The following REPS1 variants were observed in gnomAD, a reference collection of about 807,000 sequenced individuals.
The protein encoded by REPS1 is RALBP1 associated Eps domain containing 1.
REPS1 carries 39 observed loss-of-function variants against 100.9 expected under a neutral mutation model. The ratio of observed to expected loss-of-function variants is 0.39; its 90% confidence interval spans 0.30 to 0.50. The LOEUF is 0.50. Among genes scored for constraint, REPS1 ranks in the 20% least tolerant of loss-of-function variants. The probability of loss-of-function intolerance (pLI) is 0.86; values close to 1 mark genes in which losing one functional copy is unlikely to be tolerated. For synonymous variants in REPS1, 324 were observed against 340.3 expected (o/e 0.95, Z 0.53); for missense variants, 821 against 968.5 (o/e 0.85, Z 2.02).
chr6:138,909,318 T>A (rs1414041834), intron 17 of REPS1, among the ~76,000 whole-genome samples: 3 of 152,186 alleles, frequency 2.0e-5, no homozygotes, highest in African/African-American at 7.2e-5. Context: ...GAGTTGACAG[T>A]TTGTCGGTGA....
At chr6:138,916,687 G>GTAA (rs1370643835) in intron 13 of REPS1, among the ~76,000 whole-genome samples, 1 of 152,064 alleles carries the variant, frequency 6.6e-6, no homozygotes, top group African/African-American at 2.4e-5. Flanking sequence ...CTGGATTTTG[G>GTAA]TAAGCTGAAG....
chr6:138,983,177 A>G (rs1326122253), intron 1 of REPS1, among the ~76,000 whole-genome samples: 1 of 152,214 alleles, frequency 6.6e-6, no homozygotes, highest in Non-Finnish European at 1.5e-5. Flanking sequence ...TCAAGTTCTT[A>G]GTGAACAAGA....
intron 15 of REPS1, among the ~76,000 whole-genome samples, chr6:138,913,971 C>T (rs1780188888): frequency 6.6e-6 from 1 of 152,198 alleles, no homozygotes; most frequent in Non-Finnish European, 1.5e-5. Context: ...ATGTCTACTA[C>T]AGCACTCTAA....
At chr6:138,931,539 T>G (rs1172747485) in intron 8 of REPS1, among the ~76,000 whole-genome samples, 1 of 152,168 alleles carries the variant, frequency 6.6e-6, no homozygotes, top group Non-Finnish European at 1.5e-5. Flanking sequence ...AGTTCTAATC[T>G]GCAGTCCAGA....
chr6:138,907,384 TAGAGA>T, intron 19 of REPS1, 106 bp downstream of exon 19: 1 of 622,400 alleles, frequency 1.6e-6, no homozygotes, highest in Non-Finnish European at 2.8e-6. Context: ...TCTAGAAAAT[TAGAGA>T]AGAGAACCAT....
intron 1 of REPS1, among the ~76,000 whole-genome samples, chr6:138,971,112 A>G (rs1294547556): frequency 6.6e-6 from 1 of 152,226 alleles, no homozygotes; most frequent in East Asian, 1.9e-4. Flanking sequence ...GGGAAGTAAA[A>G]GATTTCTCTC....
chr6:138,959,807 T>G (rs1783623080), intron 1 of REPS1, among the ~76,000 whole-genome samples: 1 of 152,208 alleles, frequency 6.6e-6, no homozygotes, highest in Non-Finnish European at 1.5e-5. Flanking sequence ...AGCAAATACC[T>G]ATTATTAGGA....
chr6:138,949,075 T>A (rs1402371241), intron 1 of REPS1, among the ~76,000 whole-genome samples: 1 of 152,218 alleles, frequency 6.6e-6, no homozygotes, highest in Admixed American at 6.5e-5. Context: ...GGCAAGGTCA[T>A]GCAGCCCCAA....
At chr6:138,946,436 T>C (rs1462826429) in intron 2 of REPS1, among the ~76,000 whole-genome samples, 2 of 152,152 alleles carry the variant, frequency 1.3e-5, no homozygotes, top group African/African-American at 4.8e-5. Flanking sequence ...ACAAAATCAT[T>C]TCAGAGGAAA....
At chr6:138,961,819 C>T (rs563896936) in intron 1 of REPS1, among the ~76,000 whole-genome samples, 263 of 152,256 alleles carry the variant, frequency 1.7e-3, no homozygotes, top group Non-Finnish European at 3.2e-3. Context: ...TACTACACCT[C>T]CCTTAAAGCA....
At chr6:138,986,466 T>G (rs909790324) in intron 1 of REPS1, among the ~76,000 whole-genome samples, 4 of 152,216 alleles carry the variant, frequency 2.6e-5, no homozygotes, top group Non-Finnish European at 5.9e-5. Flanking sequence ...AACATACTTA[T>G]GCTTGAAAAT....
At chr6:138,912,993 C>T in intron 15 of REPS1, 43 bp from the exon 16 acceptor site, 1 of 1,512,548 alleles carries the variant, frequency 6.6e-7, no homozygotes, top group South Asian at 1.2e-5. Context: ...TTCTATCAGC[C>T]TATCAGTGTC....
intron 1 of REPS1, among the ~76,000 whole-genome samples, chr6:138,977,050 A>T (rs9484216): frequency 0.15 from 22,545 of 152,150 alleles, 1,769 homozygotes; most frequent in African/African-American, 0.17. Flanking sequence ...CTATTTTGTA[A>T]TTTTTAATTC....
chr6:138,939,628 C>T (rs903758530), intron 8 of REPS1, among the ~76,000 whole-genome samples: 7 of 152,086 alleles, frequency 4.6e-5, no homozygotes, highest in Non-Finnish European at 7.3e-5. Context: ...ATTGTGCTGT[C>T]GGTTTTCAAA....
intron 2 of REPS1, 34 bp from the exon 3 acceptor site, chr6:138,945,731 A>T: frequency 6.8e-7 from 1 of 1,461,980 alleles, no homozygotes; most frequent in South Asian, 1.4e-5. Context: ...ACTTCAAAAT[A>T]AAAAAGGACA....
intron 1 of REPS1, among the ~76,000 whole-genome samples, chr6:138,952,181 G>A (rs555015286): frequency 4.4e-4 from 67 of 152,110 alleles, no homozygotes; most frequent in African/African-American, 1.0e-3. Flanking sequence ...CCCATCAGAC[G>A]TAACAATTCC....
intron 15 of REPS1, among the ~76,000 whole-genome samples, chr6:138,913,547 G>C (rs929759126): frequency 6.6e-6 from 1 of 152,138 alleles, no homozygotes; most frequent in African/African-American, 2.4e-5. Context: ...CTGACAGTCC[G>C]GAGCAGGAGA....
In REPS1 at chr6:138,947,808, C is replaced by G. The variant is rs750721439; in HGVS notation, c.259G>C (p.Val87Leu). The G allele has an allele frequency of 3.1e-6, 5 of 1,606,806 alleles. No homozygotes were observed. The highest frequency in any genetic ancestry group is 2.5e-6 in the Non-Finnish European group (3 of 1,177,310). ...AVAQSGFPLRVESINTVKDLP... is the reference protein window; with the variant it reads ...AVAQSGFPLRLESINTVKDLP... ...TATTTACCTGTATTTATACTTTCCACTCTTAAAGGGAAACCAGACTGGGCA... is the reference window on the plus strand; with the variant it reads ...TATTTACCTGTATTTATACTTTCCAGTCTTAAAGGGAAACCAGACTGGGCA... The change falls in exon 2 of 20, where the codon GTG (valine) becomes CTG (leucine). Residue 87 changes from valine to leucine, a missense_variant. This residue lies in a region of REPS1 where 757 missense variants were observed against 866.4 expected (regional missense o/e 0.87). Coordinates refer to ENST00000450536, the MANE Select transcript of REPS1 (RefSeq NM_001286611.2).
At chr6:138,920,362 A>G (rs1218623407) in intron 11 of REPS1, 46 bp from the exon 12 acceptor site, 1 of 973,612 alleles carries the variant, frequency 1.0e-6, no homozygotes, top group Non-Finnish European at 1.6e-6. Context: ...AGGTATTTGA[A>G]CTGATAAACT....
Sources: allele counts gnomAD v4.1 joint callset (sites outside exome capture counted in the v4.1 genomes callset), GRCh38; gene constraint gnomAD v4.1.1; regional missense constraint gnomAD v4.1.1; transcripts MANE v1.5; gene names NCBI Gene and HGNC (gene_info 2026-07-23, HGNC 2026-07-21).